ADCY1: variants seen among roughly 807,000 people sequenced by gnomAD.
The protein encoded by ADCY1 is adenylate cyclase type 1.
Under a neutral mutation model 105.4 loss-of-function variants are expected in ADCY1, and 28 were observed. The observed-to-expected ratio is 0.27, with a 90% CI of 0.20 to 0.36. The LOEUF is 0.36. Ranked by LOEUF, ADCY1 falls within the 10% of genes least tolerant of loss-of-function variation. The pLI, the probability that ADCY1 is intolerant of heterozygous loss-of-function variation, is 1.00. For synonymous variants in ADCY1, 655 were observed against 623.8 expected (o/e 1.05, Z -0.75); for missense variants, 977 against 1,434.2 (o/e 0.68, Z 5.15).
At chr7:45,711,607 GTATA>G (rs71030888) in intron 19 of ADCY1, among the ~76,000 whole-genome samples, 9,517 of 70,112 alleles carry the variant, frequency 0.14, 543 homozygotes, top group East Asian at 0.29. Context: ...ACTTCGTGCT[GTATA>G]TATATATATA....
At chr7:45,655,594 C>T (rs919022879) in intron 5 of ADCY1, among the ~76,000 whole-genome samples, 5 of 152,162 alleles carry the variant, frequency 3.3e-5, no homozygotes, top group East Asian at 1.9e-4. Flanking sequence ...GTTCAGTTAA[C>T]GGCAGATCTG....
At chr7:45,698,232 A>G (rs1584339962) in intron 14 of ADCY1, among the ~76,000 whole-genome samples, 1 of 152,242 alleles carries the variant, frequency 6.6e-6, no homozygotes, top group East Asian at 1.9e-4. Flanking sequence ...GAACATGTAC[A>G]TGTGCATGCC....
intron 4 of ADCY1, among the ~76,000 whole-genome samples, chr7:45,629,411 A>G (rs548552091): frequency 5.9e-5 from 9 of 152,250 alleles, no homozygotes; most frequent in East Asian, 1.9e-4. Context: ...TAAAGCTGCT[A>G]TGAACATTCA....
At chr7:45,671,931 G>A (rs1784375753) in intron 8 of ADCY1, among the ~76,000 whole-genome samples, 1 of 152,088 alleles carries the variant, frequency 6.6e-6, no homozygotes, top group East Asian at 1.9e-4. Flanking sequence ...TCACAGAACA[G>A]ATGTTTTTAG....
intron 1 of ADCY1, among the ~76,000 whole-genome samples, chr7:45,578,886 T>C (rs1792431759): frequency 6.6e-6 from 1 of 152,244 alleles, no homozygotes; most frequent in African/African-American, 2.4e-5. Context: ...ACCTAATTTT[T>C]TTCTGAAGTA....
At chr7:45,610,273 C>A in intron 2 of ADCY1, 106 bp from the exon 3 acceptor site, 1 of 966,736 alleles carries the variant, frequency 1.0e-6, no homozygotes, top group Non-Finnish European at 1.6e-6. Context: ...TGGACGTGGG[C>A]CTACCCAGGC....
intron 3 of ADCY1, among the ~76,000 whole-genome samples, chr7:45,613,006 A>G (rs1435167346): frequency 6.6e-5 from 10 of 152,198 alleles, no homozygotes; most frequent in Admixed American, 6.5e-4. Flanking sequence ...GAAGATTGGG[A>G]GAGGTACCTG....
intron 3 of ADCY1, among the ~76,000 whole-genome samples, chr7:45,612,381 G>T (rs533488450): frequency 7.2e-5 from 11 of 152,186 alleles, no homozygotes; most frequent in Non-Finnish European, 1.5e-4. Flanking sequence ...GGACTCCCTG[G>T]CCAGTGAGTG....
chr7:45,574,729 G>T lies in ADCY1; in HGVS notation c.186G>T (p.Leu62=). Residue 62 remains leucine, a synonymous_variant, in exon 1 of 20, where the codon CTG becomes CTT. Coordinates refer to ENST00000297323, the MANE Select transcript of ADCY1 (RefSeq NM_021116.4). The surrounding 1 kb of genome is among the most constrained non-coding windows in gnomAD (Gnocchi z 7.0). The stretch of plus-strand genomic sequence containing the variant: ...TGCGGCTGGAGCAGGCGGCCACGCT[G>T]AAGGCGCTGGCCGTTCTCAGCCTGC... ...YTLRLEQAAT[L]KALAVLSLLA... is the part of the protein sequence containing the mutation. 2.1e-6 allele frequency: 3 copies of T among 1,416,680 alleles called. No individual in the cohort carries two copies. The South Asian group carries it at 4.5e-5, about 21-fold the overall frequency. The allele number at this position is 1,416,680 out of a possible 1,614,324, so 87.8% of individuals were successfully genotyped here.
chr7:45,700,660 A>G (rs1404874397), intron 14 of ADCY1, among the ~76,000 whole-genome samples: 1 of 152,180 alleles, frequency 6.6e-6, no homozygotes, highest in Non-Finnish European at 1.5e-5. Flanking sequence ...TGAAGAATGA[A>G]CTGGCAGTGC....
intron 5 of ADCY1, among the ~76,000 whole-genome samples, chr7:45,656,859 G>T (rs1290993401): frequency 6.6e-6 from 1 of 152,230 alleles, no homozygotes; most frequent in Non-Finnish European, 1.5e-5. Context: ...ATCCCGGATG[G>T]AATAGAAAGA....
At position 45,715,819 on chromosome 7, in the gene ADCY1, C is replaced by T; in HGVS notation, c.*1824C>T. Reference sequence around the variant, plus strand: ...GGGCAGGGAAGGCGGGTAGAGGCTGCATGTGGGGGCCCCTGTCTGCCTGTC... The same window carrying T: ...GGGCAGGGAAGGCGGGTAGAGGCTGTATGTGGGGGCCCCTGTCTGCCTGTC... On this transcript the variant is annotated 3_prime_UTR_variant, in exon 20 of 20. Transcript: ENST00000297323. 6.5e-6 allele frequency: 1 copy of T among 152,852 alleles called. No individual in the cohort carries two copies. The highest frequency in any genetic ancestry group is 1.5e-5 in the Non-Finnish European group (1 of 68,484). The allele number at this position is 152,852 out of a possible 1,614,324, so 9.5% of individuals were successfully genotyped here. A position where few individuals can be genotyped will look rare whatever the true frequency, so the allele number is the denominator to read the frequency against.
chr7:45,593,737 A>C (rs929174397), intron 2 of ADCY1, among the ~76,000 whole-genome samples: 2 of 152,246 alleles, frequency 1.3e-5, no homozygotes, highest in Non-Finnish European at 2.9e-5. Context: ...TTTCTCAACG[A>C]TGTGAATATA....
chr7:45,711,627 A>G (rs1211195591), intron 19 of ADCY1, among the ~76,000 whole-genome samples: 3 of 36,406 alleles, frequency 8.2e-5, no homozygotes, highest in African/African-American at 1.7e-4. Flanking sequence ...ATATATATAT[A>G]TATATATATA....
intron 4 of ADCY1, among the ~76,000 whole-genome samples, chr7:45,644,490 G>T (rs1348384978): frequency 6.6e-6 from 1 of 152,216 alleles, no homozygotes; most frequent in Admixed American, 6.5e-5. Flanking sequence ...GCCATACCTG[G>T]AGCAAATCAG....
intron 2 of ADCY1, among the ~76,000 whole-genome samples, chr7:45,607,253 A>G (rs1521470): frequency 0.89 from 136,086 of 152,098 alleles, 61,152 homozygotes; most frequent in East Asian, 1. Context: ...TCCAGGGTAG[A>G]CACTTTATGG....
intron 4 of ADCY1, among the ~76,000 whole-genome samples, chr7:45,636,667 A>G (rs192490307): frequency 6.6e-6 from 1 of 152,196 alleles, no homozygotes; most frequent in Non-Finnish European, 1.5e-5. Context: ...CAACCTCTCT[A>G]GTAGCTGGGA....
intron 4 of ADCY1, among the ~76,000 whole-genome samples, chr7:45,639,758 G>A (rs981292812): frequency 6.6e-6 from 1 of 152,182 alleles, no homozygotes; most frequent in Non-Finnish European, 1.5e-5. Context: ...GCGGGTCCCT[G>A]ATGGGGATCA....
chr7:45,711,826 A>T (rs892884600), intron 19 of ADCY1, among the ~76,000 whole-genome samples: 1 of 119,840 alleles, frequency 8.3e-6, no homozygotes, highest in Admixed American at 9.8e-5. Context: ...ATGTACTTTT[A>T]AAATATACAA....
Sources: gnomAD v4.1 joint callset for allele counts (sites outside exome capture counted in the v4.1 genomes callset) on GRCh38, gnomAD v4.1.1 for gene constraint, Gnocchi (gnomAD v3.1) non-coding constraint, MANE v1.5 for transcripts, NCBI Gene and HGNC (gene_info 2026-07-23, HGNC 2026-07-21) for gene names.